Variants in RECQL observed in about 807,000 individuals in gnomAD.
RECQL encodes the protein RecQ like helicase.
Under a neutral mutation model 75.8 loss-of-function variants are expected in RECQL, and 73 were observed. That is an observed-to-expected ratio of 0.96 (90% CI 0.80 to 1.17). The LOEUF (loss-of-function observed/expected upper bound fraction) is 1.17. Among genes scored for constraint, RECQL ranks in the 50% most tolerant of loss-of-function variants. The pLI is 0.00. For missense variants in RECQL, 699 were observed against 772.1 expected (o/e 0.91, Z 1.12); for synonymous variants, 248 against 254.4 (o/e 0.97, Z 0.24).
intron 6 of RECQL, 61 bp downstream of exon 6, chr12:21,483,315 C>T (rs543300621): frequency 1.9e-6 from 2 of 1,076,790 alleles, no homozygotes; most frequent in Non-Finnish European, 2.8e-6. Flanking sequence ...TTCCATCATG[C>T]CAAGCTGAGT....
At chr12:21,471,726 C>G (rs1410300952) in intron 12 of RECQL, 79 bp from the exon 13 acceptor site, 28 of 1,162,040 alleles carry the variant, frequency 2.4e-5, no homozygotes, top group Non-Finnish European at 3.2e-5. Flanking sequence ...AGTAGTTAAA[C>G]TGGTTTAAAG....
chr12:21,474,732 T>A (rs1343250333), intron 11 of RECQL, 109 bp downstream of exon 11: 1 of 1,029,100 alleles, frequency 9.7e-7, no homozygotes, highest in Non-Finnish European at 1.5e-6. Context: ...CTTTTATGGA[T>A]CTGCACTTTG....
At chr12:21,492,030 G>A (rs770716242) in intron 2 of RECQL, among the ~76,000 whole-genome samples, 20 of 152,052 alleles carry the variant, frequency 1.3e-4, no homozygotes, top group Non-Finnish European at 2.5e-4. Flanking sequence ...AGTTCTAGAC[G>A]CAGTACCTGG....
chr12:21,474,806 A>C (rs752898705), intron 11 of RECQL, 35 bp downstream of exon 11: 1 of 1,591,458 alleles, frequency 6.3e-7, no homozygotes, highest in East Asian at 2.2e-5. Context: ...TATTTGCTTT[A>C]ATTGATAAAA....
rs781546644 is a variant in RECQL at position 21,490,286 on chromosome 12, T to G, written c.307A>C (p.Thr103Pro). ...AGAAATACCTCCTTTCCAGCCATTG[T>G]TACGTTAATAGTTTCAAGCTGAAGT... The part of the protein sequence containing the change: ...RPLQLETINV[T>P]MAGKEVFLVM... Residue 103 changes from threonine (T) to proline (P), a missense_variant, in exon 4 of 15, where the codon ACA (threonine) becomes CCA (proline). Physicochemically the swap from Thr to Pro is conservative, Grantham distance 38 (BLOSUM62 -1). Transcript: ENST00000444129. 1.9e-6 allele frequency: 3 copies of G among 1,612,894 alleles called. No homozygotes were observed. Among genetic ancestry groups the G allele is most frequent in the Non-Finnish European group, 2.5e-6 (3 of 1,179,040 alleles).
rs143056665 is a variant in RECQL, at chr12:21,500,298, T to C, written c.-45-683A>G. ...GTAATGATTTCTAAGTATCTATGAA[T>C]GACTAAAACCTAAGCATGCATATGG... On this transcript the variant is annotated intron_variant, in intron 1 of 14. Transcript: ENST00000444129. Among the ~76,000 whole-genome samples, 211 of 152,290 alleles carry C rather than the reference T, an allele frequency of 1.4e-3. 1 individual carries two copies. The highest frequency in any genetic ancestry group is 0.011 in the East Asian group (55 of 5,178).
intron 12 of RECQL, 147 bp downstream of exon 12, chr12:21,473,404 A>C: frequency 1.5e-6 from 1 of 646,206 alleles, no homozygotes; most frequent in Non-Finnish European, 2.7e-6. Context: ...ATCACCTAGG[A>C]GACTATACCA....
chr12:21,496,434 T>A (rs1242166221), intron 2 of RECQL, among the ~76,000 whole-genome samples: 1 of 152,260 alleles, frequency 6.6e-6, no homozygotes, highest in Non-Finnish European at 1.5e-5. Flanking sequence ...TGTATCTTTA[T>A]TCTCCCACCT....
chr12:21,478,301 G>A (rs138768500), intron 6 of RECQL, among the ~76,000 whole-genome samples: 34 of 152,062 alleles, frequency 2.2e-4, no homozygotes, highest in Non-Finnish European at 3.4e-4. Flanking sequence ...TGGTAAGGGC[G>A]GCACTGCTTT....
In RECQL at chr12:21,483,138, T is replaced by C. The variant is rs368885262; in HGVS notation, c.700+238A>G. 5.3e-5 allele frequency among the ~76,000 whole-genome samples: 8 copies of C among 152,344 alleles called. No individual in the cohort carries two copies. The East Asian group carries it at 9.6e-4, about 18-fold the overall frequency. On this transcript the variant is annotated intron_variant, in intron 6 of 14. Transcript: ENST00000444129. ...CAGTGGGGAATGAAACTAAACATTC[T>C]GCCTCTCAGTCCTCCTCATAATGAG...
Position 21,491,538 on chromosome 12 carries a change from A to C in RECQL, c.195T>G (p.Pro65=), listed in dbSNP as rs1198331689. ...AGASNEYDSS[P]AAWNKEDFPW... Reference sequence around the variant, plus strand: ...GTTAACCTTCTTTATTCCAAGCGGCAGGTGAAGAATCATATTCATTGCTTG... The same window carrying C: ...GTTAACCTTCTTTATTCCAAGCGGCCGGTGAAGAATCATATTCATTGCTTG... The change falls in exon 3 of 15, where the codon CCT becomes CCG. Residue 65 remains proline, a synonymous_variant. Coordinates refer to ENST00000444129, the MANE Select transcript of RECQL (RefSeq NM_002907.4). The C allele has an allele frequency of 6.3e-7, 1 of 1,596,356 alleles. No individual in the cohort carries two copies.
intron 7 of RECQL, 45 bp downstream of exon 7, chr12:21,477,758 C>CAAA: frequency 6.7e-7 from 1 of 1,495,194 alleles, no homozygotes; most frequent in Non-Finnish European, 9.2e-7. Context: ...ATCCCCTCTG[C>CAAA]GTAATTCTTC....
intron 2 of RECQL, among the ~76,000 whole-genome samples, chr12:21,497,632 G>A (rs947503170): frequency 4.6e-5 from 7 of 152,248 alleles, no homozygotes; most frequent in African/African-American, 1.7e-4. Context: ...TGAATGGTCA[G>A]AGTGTGAAGG....
At chr12:21,471,175 T>C (rs1942949368) in intron 13 of RECQL, 77 bp from the exon 14 acceptor site, 1 of 1,351,874 alleles carries the variant, frequency 7.4e-7, no homozygotes, top group Admixed American at 2.6e-5. Flanking sequence ...GAAATAACTA[T>C]ATGCGCAGTA....
intron 6 of RECQL, among the ~76,000 whole-genome samples, chr12:21,483,088 A>T (rs961691048): frequency 6.6e-6 from 1 of 152,202 alleles, no homozygotes; most frequent in African/African-American, 2.4e-5. Flanking sequence ...TCCATAATTG[A>T]CAAGGGCAAT....
intron 4 of RECQL, among the ~76,000 whole-genome samples, chr12:21,488,889 A>AC (rs1457227742): frequency 2.0e-5 from 3 of 152,220 alleles, no homozygotes; most frequent in African/African-American, 7.2e-5. Flanking sequence ...ATGTCTTACC[A>AC]CTGACTGCCA....
intron 1 of RECQL, among the ~76,000 whole-genome samples, 200 bp downstream of exon 1, chr12:21,500,970 G>A (rs1259397037): frequency 2.0e-5 from 3 of 152,158 alleles, no homozygotes; most frequent in Non-Finnish European, 2.9e-5. Flanking sequence ...AGCAGTATAA[G>A]CTAGGCATCC....
rs77092599 is a variant in RECQL, at chr12:21,498,212, G to C, written c.16+1343C>G. ...AGCTAGCCTGAGAAAATAATGGAGT[G>C]GCATTTTGCAGACTCAATTATGCTG... is the stretch of plus-strand genomic sequence containing the variant. On this transcript the variant is annotated intron_variant, in intron 2 of 14. Coordinates refer to ENST00000444129, the MANE Select transcript of RECQL (RefSeq NM_002907.4). Among the ~76,000 whole-genome samples the C allele has an allele frequency of 9.8e-5, 15 of 152,304 alleles. No homozygotes were observed. The East Asian group carries it at 2.9e-3, about 29-fold the overall frequency.
At chr12:21,473,328 C>T (rs1943019934) in intron 12 of RECQL, among the ~76,000 whole-genome samples, 1 of 152,024 alleles carries the variant, frequency 6.6e-6, no homozygotes, top group African/African-American at 2.4e-5. Flanking sequence ...GTTACAGCTG[C>T]CTGCAGTATG....
Sources: allele counts gnomAD v4.1 joint callset (sites outside exome capture counted in the v4.1 genomes callset), GRCh38; gene constraint gnomAD v4.1.1; transcripts MANE v1.5; gene names NCBI Gene and HGNC (gene_info 2026-07-23, HGNC 2026-07-21).